The following SCAF8 variants were observed in gnomAD, a reference collection of about 807,000 sequenced individuals.
SCAF8 encodes the protein SR-related CTD associated factor 8.
A neutral mutation model predicts 140.5 loss-of-function variants in SCAF8; 23 were observed. That is an observed-to-expected ratio of 0.16 (90% CI 0.12 to 0.23). The LOEUF is 0.23. Ranked by LOEUF, SCAF8 falls within the 10% of genes least tolerant of loss-of-function variation. SCAF8 has a pLI of 1.00. For synonymous variants in SCAF8, 575 were observed against 528.9 expected, an observed-to-expected ratio of 1.09 and a Z score of -1.20; for missense variants, 1,397 against 1,555.7, an observed-to-expected ratio of 0.90 and a Z score of 1.72.
chr6:154,801,951 A>G lies in SCAF8; in HGVS notation c.607-20A>G, dbSNP rs375690490. 15 of 1,542,304 alleles carry G rather than the reference A, an allele frequency of 9.7e-6. No homozygotes were observed. Among genetic ancestry groups the G allele is most frequent in the African/African-American group, 1.4e-5 (1 of 71,524 alleles). On this transcript the variant is annotated intron_variant, in intron 6 of 19. Transcript: ENST00000367178. ...AAAAACCCAACACCTGTTTTGTAATATATATTTTTTTCTCTCCAGCTTCAA... is the reference window on the plus strand; with the variant it reads ...AAAAACCCAACACCTGTTTTGTAATGTATATTTTTTTCTCTCCAGCTTCAA...
At chr6:154,821,950 GT>G (rs1335913316) in intron 15 of SCAF8, among the ~76,000 whole-genome samples, 1 of 152,122 alleles carries the variant, frequency 6.6e-6, no homozygotes, top group African/African-American at 2.4e-5. Context: ...GTTGTATTTT[GT>G]GATAAAAAAT....
chr6:154,794,830 T>TG (rs1777551113), intron 5 of SCAF8, among the ~76,000 whole-genome samples, 179 bp from the exon 6 acceptor site: 1 of 139,918 alleles, frequency 7.1e-6, no homozygotes, highest in African/African-American at 2.7e-5. Context: ...TGTGTGTGTG[T>TG]TTAATGTACC....
chr6:154,769,950 A>C (rs889871349), intron 1 of SCAF8, among the ~76,000 whole-genome samples: 8 of 152,188 alleles, frequency 5.3e-5, no homozygotes, highest in African/African-American at 1.9e-4. Flanking sequence ...AAATTTTGGG[A>C]AATTGACCTT....
rs67493657 is a variant in SCAF8, at chr6:154,812,176, CTT to C, written c.1420+1990_1420+1991del. 2.7e-3 allele frequency among the ~76,000 whole-genome samples: 289 copies of C among 106,380 alleles called. 3 individuals carry two copies. The highest frequency in any genetic ancestry group is 6.2e-3 in the South Asian group (18 of 2,920). The allele number at this position is 106,380 out of a possible 152,430, so 69.8% of individuals were successfully genotyped here. A position where few individuals can be genotyped will look rare whatever the true frequency, so the allele number is the denominator to read the frequency against. ...CTCCATTGTGCTTTGAAGATACTGC[CTT>C]TTTTTTTTTTTTTTTTTTTTTAAAT... On this transcript the variant is annotated intron_variant, in intron 12 of 19. Coordinates refer to ENST00000367178, the MANE Select transcript of SCAF8 (RefSeq NM_014892.5).
At chr6:154,740,097 TC>T (rs1430390800) in intron 1 of SCAF8, among the ~76,000 whole-genome samples, 14 of 152,218 alleles carry the variant, frequency 9.2e-5, no homozygotes, top group Non-Finnish European at 8.8e-5. Context: ...TATATTTTTT[TC>T]TTTTTACCTT....
intron 6 of SCAF8, among the ~76,000 whole-genome samples, chr6:154,798,052 A>G (rs973372137): frequency 2.0e-5 from 3 of 151,364 alleles, no homozygotes; most frequent in Non-Finnish European, 1.5e-5. Flanking sequence ...CCTTCAGCAA[A>G]CATTTACTTT....
chr6:154,761,228 GA>G (rs896541570), intron 1 of SCAF8, among the ~76,000 whole-genome samples: 1 of 152,124 alleles, frequency 6.6e-6, no homozygotes, highest in Non-Finnish European at 1.5e-5. Context: ...AGATGCTTTT[GA>G]AACACTTTGT....
intron 1 of SCAF8, among the ~76,000 whole-genome samples, chr6:154,756,909 T>A (rs1004088687): frequency 1.3e-5 from 2 of 152,140 alleles, no homozygotes; most frequent in Non-Finnish European, 2.9e-5. Flanking sequence ...ATTCCTGTAG[T>A]CCCAGCTACT....
intron 1 of SCAF8, chr6:154,742,021 A>G (rs1354629810): frequency 2.0e-6 from 3 of 1,530,088 alleles, no homozygotes; most frequent in Non-Finnish European, 2.6e-6. Context: ...GAAGCATAGT[A>G]AGATGATGAT....
At chr6:154,764,292 G>C (rs376523315) in intron 1 of SCAF8, among the ~76,000 whole-genome samples, 5 of 68,426 alleles carry the variant, frequency 7.3e-5, no homozygotes, top group Non-Finnish European at 1.5e-4. Flanking sequence ...TTTTTTTTTT[G>C]AGACGGAGTC....
intron 18 of SCAF8, among the ~76,000 whole-genome samples, chr6:154,828,376 T>C (rs1309640072): frequency 6.6e-6 from 1 of 152,166 alleles, no homozygotes; most frequent in Admixed American, 6.5e-5. Flanking sequence ...TCTATAGGTA[T>C]TTCCAGTGAT....
intron 6 of SCAF8, among the ~76,000 whole-genome samples, chr6:154,798,988 A>T (rs547389336): frequency 2.0e-5 from 3 of 149,660 alleles, no homozygotes; most frequent in Non-Finnish European, 3.0e-5. Flanking sequence ...ATTTTATTTT[A>T]TTATTATTTT....
At position 154,824,305 on chromosome 6, in the gene SCAF8, T is replaced by A. The variant is rs1316810093; in HGVS notation, c.1998T>A (p.Pro666=). The change falls in exon 17 of 20, where the codon CCT becomes CCA. Residue 666 remains proline, a synonymous_variant. Transcript: ENST00000367178. ...PPAFPVSMPV[P]PPGFSPIPPP... Reference sequence around the variant, plus strand: ...CATTTCCTGTGTCGATGCCGGTTCCTCCTCCTGGATTCAGTCCAATCCCTC... The same window carrying A: ...CATTTCCTGTGTCGATGCCGGTTCCACCTCCTGGATTCAGTCCAATCCCTC... The A allele has an allele frequency of 1.2e-6, 2 of 1,614,004 alleles. No individual in the cohort carries two copies. The highest frequency in any genetic ancestry group is 1.7e-5 in the Admixed American group (1 of 60,016).
chr6:154,745,290 A>C (rs1222773265), intron 1 of SCAF8, among the ~76,000 whole-genome samples: 1 of 152,216 alleles, frequency 6.6e-6, no homozygotes, highest in African/African-American at 2.4e-5. Flanking sequence ...ACACTCCAGG[A>C]GTAATATTGT....
At chr6:154,794,612 GA>G (rs111586259) in intron 5 of SCAF8, among the ~76,000 whole-genome samples, 2 of 151,976 alleles carry the variant, frequency 1.3e-5, no homozygotes, top group East Asian at 3.9e-4. Flanking sequence ...TGTACGTACA[GA>G]AAAAAACATA....
intron 1 of SCAF8, among the ~76,000 whole-genome samples, chr6:154,735,353 A>T (rs1778387238): frequency 6.6e-6 from 1 of 152,150 alleles, no homozygotes; most frequent in Admixed American, 6.5e-5. Context: ...CTTTAAAAAG[A>T]AAAACAGTAT....
chr6:154,785,066 GGT>G, intron 3 of SCAF8, among the ~76,000 whole-genome samples: 1 of 152,016 alleles, frequency 6.6e-6, no homozygotes, highest in East Asian at 1.9e-4. Flanking sequence ...TTCTTAAAGT[GGT>G]TTAATGTATT....
chr6:154,741,529 C>T (rs1000409873), intron 1 of SCAF8, among the ~76,000 whole-genome samples: 1 of 152,076 alleles, frequency 6.6e-6, no homozygotes, highest in Admixed American at 6.5e-5. Flanking sequence ...GCCTCAGCCT[C>T]CCCAGTAGCT....
chr6:154,734,718 T>G (rs756814315), intron 1 of SCAF8, among the ~76,000 whole-genome samples: 5 of 152,226 alleles, frequency 3.3e-5, no homozygotes, highest in African/African-American at 4.8e-5. Flanking sequence ...CAGGTTTTGA[T>G]GTATTCAATT....
Sources: gnomAD v4.1 joint callset for allele counts (sites outside exome capture counted in the v4.1 genomes callset) on GRCh38, gnomAD v4.1.1 for gene constraint, MANE v1.5 for transcripts, NCBI Gene and HGNC (gene_info 2026-07-23, HGNC 2026-07-21) for gene names.